ZNF827: variants seen among roughly 807,000 people sequenced by gnomAD.
ZNF827 encodes zinc finger protein 827.
In ZNF827, 13 loss-of-function variants were observed where a neutral mutation model predicts 102.4. The ratio of observed to expected loss-of-function variants is 0.13; its 90% CI spans 0.08 to 0.20. The LOEUF is 0.20. Ranked by LOEUF, ZNF827 falls within the 10% of genes least tolerant of loss-of-function variation. ZNF827 has a pLI of 1.00. For missense variants in ZNF827, 1,103 were observed against 1,344.4 expected, an observed-to-expected ratio of 0.82 and a Z score of 2.81; for synonymous variants, 523 against 536.2, an observed-to-expected ratio of 0.98 and a Z score of 0.34.
chr4:145,914,326 C>A (rs754009173), intron 1 of ZNF827, among the ~76,000 whole-genome samples: 8 of 152,176 alleles, frequency 5.3e-5, no homozygotes, highest in Non-Finnish European at 1.0e-4. Flanking sequence ...CTTCCCCTAA[C>A]GCGCCCCCTG....
intron 8 of ZNF827, among the ~76,000 whole-genome samples, chr4:145,794,541 G>T (rs576413387): frequency 1.3e-5 from 2 of 152,012 alleles, no homozygotes; most frequent in East Asian, 3.9e-4. Flanking sequence ...ACAAAAATTA[G>T]CCAGGTATGG....
At chr4:145,853,584 CA>C (rs1172600548) in intron 5 of ZNF827, among the ~76,000 whole-genome samples, 1 of 151,372 alleles carries the variant, frequency 6.6e-6, no homozygotes, top group Admixed American at 6.6e-5. Flanking sequence ...TGTCTCAAAA[CA>C]AACAAACAAA....
chr4:145,887,645 T>C (rs1214541819), intron 3 of ZNF827, among the ~76,000 whole-genome samples: 1 of 152,180 alleles, frequency 6.6e-6, no homozygotes, highest in Non-Finnish European at 1.5e-5. Context: ...AACACACTGA[T>C]TGTCACCAGC....
At chr4:145,808,386 C>G (rs1463772418) in intron 8 of ZNF827, among the ~76,000 whole-genome samples, 2 of 152,122 alleles carry the variant, frequency 1.3e-5, no homozygotes, top group African/African-American at 4.8e-5. Context: ...CAGCACAGGC[C>G]CCTTTCCCAG....
intron 1 of ZNF827, among the ~76,000 whole-genome samples, chr4:145,923,834 T>C (rs1004695481): frequency 6.6e-6 from 1 of 152,230 alleles, no homozygotes; most frequent in East Asian, 1.9e-4. Context: ...ATGATATAGA[T>C]AAATAGATAC....
intron 8 of ZNF827, among the ~76,000 whole-genome samples, chr4:145,811,881 C>A (rs1369743788): frequency 2.0e-5 from 3 of 151,666 alleles, no homozygotes; most frequent in Non-Finnish European, 4.4e-5. Context: ...TCTGTTAGCT[C>A]AGAGATGGGA....
At chr4:145,820,959 T>C (rs1311839178) in intron 8 of ZNF827, among the ~76,000 whole-genome samples, 2 of 152,246 alleles carry the variant, frequency 1.3e-5, no homozygotes, top group Non-Finnish European at 2.9e-5. Context: ...CAGCACTGCA[T>C]TTAGCAGATT....
intron 11 of ZNF827, among the ~76,000 whole-genome samples, chr4:145,772,358 A>G (rs1460829901): frequency 1.3e-5 from 2 of 152,214 alleles, no homozygotes; most frequent in African/African-American, 4.8e-5. Context: ...TAACTTTGCA[A>G]TAGTCCAACT....
chr4:145,853,252 A>G (rs192108159), intron 5 of ZNF827, among the ~76,000 whole-genome samples: 11 of 152,330 alleles, frequency 7.2e-5, no homozygotes, highest in Admixed American at 1.3e-4. Context: ...GTGTTCTAAC[A>G]TAACAACGGT....
At chr4:145,813,183 CAGA>C (rs1742219101) in intron 8 of ZNF827, among the ~76,000 whole-genome samples, 1 of 152,076 alleles carries the variant, frequency 6.6e-6, no homozygotes, top group African/African-American at 2.4e-5. Context: ...GACACAGTGT[CAGA>C]AGGTCAGTAG....
intron 8 of ZNF827, among the ~76,000 whole-genome samples, chr4:145,792,655 AAGTGCTG>A (rs1328268354): frequency 6.6e-6 from 1 of 152,052 alleles, no homozygotes; most frequent in Non-Finnish European, 1.5e-5. Flanking sequence ...TGGCCTCCCA[AAGTGCTG>A]GGATTACAGG....
At chr4:145,876,361 A>C (rs1291870587) in intron 4 of ZNF827, 1 of 152,192 alleles carries the variant, frequency 6.6e-6, no homozygotes, top group Non-Finnish European at 1.5e-5. Context: ...TGTGAAAAAA[A>C]CAATTTCTCT....
intron 4 of ZNF827, among the ~76,000 whole-genome samples, chr4:145,873,581 A>T (rs1004174505): frequency 6.6e-6 from 1 of 152,248 alleles, no homozygotes; most frequent in Admixed American, 6.5e-5. Context: ...AATCTCAAGG[A>T]AAGTGCTTAA....
chr4:145,768,854 G>C (rs1348491754), intron 11 of ZNF827, among the ~76,000 whole-genome samples: 1 of 25,472 alleles, frequency 3.9e-5, no homozygotes, highest in Non-Finnish European at 6.8e-5. Flanking sequence ...GCAAGACTCC[G>C]TCTCAAAAAA....
chr4:145,861,749 C>T (rs986659830), intron 5 of ZNF827, among the ~76,000 whole-genome samples: 4 of 152,166 alleles, frequency 2.6e-5, no homozygotes, highest in African/African-American at 9.7e-5. Context: ...AGACCCCTCC[C>T]TGCCCTAGTC....
intron 1 of ZNF827, among the ~76,000 whole-genome samples, chr4:145,916,494 G>A (rs1752676652): frequency 1.3e-5 from 2 of 151,916 alleles, no homozygotes; most frequent in Admixed American, 1.3e-4. Context: ...CCAGGCCTTG[G>A]CACTCTGGGC....
chr4:145,856,767 C>G (rs376468603), intron 5 of ZNF827, among the ~76,000 whole-genome samples: 6 of 143,462 alleles, frequency 4.2e-5, no homozygotes, highest in Non-Finnish European at 6.0e-5. Context: ...GAGCAAACCA[C>G]GAGACCAAGC....
Position 145,763,268 on chromosome 4 carries a change from A to C in ZNF827, c.3231-146T>G. ...AGGACATTTCTGTGACCCACAGCTC[A>C]ATCTTTCTTTCACTGCTCAGGCAAA... On this transcript the variant is annotated intron_variant, in intron 13 of 14. Coordinates refer to ENST00000508784, the MANE Select transcript of ZNF827 (RefSeq NM_001306215.2). This position sits in a 1 kb window ranked among gnomAD's most constrained non-coding sequence, Gnocchi z 4.6. The C allele has an allele frequency of 4.8e-6, 4 of 837,038 alleles. No individual in the cohort carries two copies. Among genetic ancestry groups the C allele is most frequent in the Non-Finnish European group, 7.3e-6 (4 of 546,668 alleles). The allele number at this position is 837,038 out of a possible 1,614,324, so 51.9% of individuals were successfully genotyped here. A position where few individuals can be genotyped will look rare whatever the true frequency, so the allele number is the denominator to read the frequency against.
Position 145,761,517 on chromosome 4 carries a change from C to T in ZNF827, c.*99G>A. 7.8e-7 allele frequency: 1 copy of T among 1,289,732 alleles called. No individual in the cohort carries two copies. The highest frequency in any genetic ancestry group is 1.2e-5 in the South Asian group (1 of 80,998). The allele number at this position is 1,289,732 out of a possible 1,614,324, so 79.9% of individuals were successfully genotyped here. Reference sequence around the variant, plus strand: ...CCTTCACCGTCTGGCAGATCCGGCACTTGTACTCCATCTTGTAGTGGGTCT... The same window carrying T: ...CCTTCACCGTCTGGCAGATCCGGCATTTGTACTCCATCTTGTAGTGGGTCT... On this transcript the variant is annotated 3_prime_UTR_variant, in exon 15 of 15. Transcript: ENST00000508784. The surrounding 1 kb of genome is among the most constrained non-coding windows in gnomAD (Gnocchi z 6.8).
Sources: allele counts gnomAD v4.1 joint callset (sites outside exome capture counted in the v4.1 genomes callset), GRCh38; gene constraint gnomAD v4.1.1; non-coding constraint Gnocchi (gnomAD v3.1); transcripts MANE v1.5; gene names NCBI Gene and HGNC (gene_info 2026-07-23, HGNC 2026-07-21).